KCTD16: variants seen among roughly 807,000 people sequenced by gnomAD.
The protein encoded by KCTD16 is potassium channel tetramerization domain containing 16, also known as BTB/POZ domain-containing protein KCTD16.
In KCTD16, 13 loss-of-function variants were observed where a neutral mutation model predicts 33.2. That is an observed-to-expected ratio of 0.39 (90% CI 0.25 to 0.62). The LOEUF is 0.62. Among genes scored for constraint, KCTD16 ranks in the 20% least tolerant of loss-of-function variants. KCTD16 has a pLI of 0.50. For synonymous variants in KCTD16, 197 were observed against 195.3 expected (o/e 1.01, Z -0.07); for missense variants, 441 against 525.1 (o/e 0.84, Z 1.57).
chr5:144,380,095 A>G (rs1040804355), intron 3 of KCTD16, among the ~76,000 whole-genome samples: 1 of 152,212 alleles, frequency 6.6e-6, no homozygotes, highest in African/African-American at 2.4e-5. Flanking sequence ...AAAACCCCAT[A>G]GTCTCTGACC....
At position 144,481,408 on chromosome 5, in the gene KCTD16, A is replaced by T. The variant is rs1754701529; in HGVS notation, c.*7294A>T. 1 of 151,838 alleles carries T rather than the reference A, an allele frequency of 6.6e-6. No individual in the cohort carries two copies. The highest frequency in any genetic ancestry group is 2.4e-5 in the African/African-American group (1 of 41,364). The allele number at this position is 151,838 out of a possible 1,614,324, so 9.4% of individuals were successfully genotyped here. ...TCTTATTGGAAAATATGTTTCCTAGACTCACCCAGGGGTGGCTCCCAAGTC... is the reference window on the plus strand; with the variant it reads ...TCTTATTGGAAAATATGTTTCCTAGTCTCACCCAGGGGTGGCTCCCAAGTC... On this transcript the variant is annotated 3_prime_UTR_variant, in exon 4 of 4. Transcript: ENST00000512467.
At chr5:144,216,844 G>GA (rs374252586) in intron 3 of KCTD16, among the ~76,000 whole-genome samples, 3,184 of 121,108 alleles carry the variant, frequency 0.026, 92 homozygotes, top group African/African-American at 0.082. Flanking sequence ...ACTCTGTCTG[G>GA]AAAAAAAAAA....
At chr5:144,266,891 G>A (rs1416807478) in intron 3 of KCTD16, among the ~76,000 whole-genome samples, 2 of 151,952 alleles carry the variant, frequency 1.3e-5, no homozygotes, top group African/African-American at 4.8e-5. Flanking sequence ...TCTGTCCTAT[G>A]ATACAGATAT....
intron 2 of KCTD16, among the ~76,000 whole-genome samples, chr5:144,189,006 T>C (rs1225037437): frequency 6.6e-6 from 1 of 152,230 alleles, no homozygotes; most frequent in Non-Finnish European, 1.5e-5. Context: ...GTAGCACCAG[T>C]AATTTGCAAA....
chr5:144,298,513 A>C (rs1756111765), intron 3 of KCTD16, among the ~76,000 whole-genome samples: 1 of 152,150 alleles, frequency 6.6e-6, no homozygotes, highest in Non-Finnish European at 1.5e-5. Flanking sequence ...TAGGTACTCA[A>C]TTGTGACAGT....
chr5:144,432,058 T>G (rs1403875330), intron 3 of KCTD16, among the ~76,000 whole-genome samples: 2 of 152,172 alleles, frequency 1.3e-5, no homozygotes, highest in Non-Finnish European at 2.9e-5. Flanking sequence ...GATGATGTGG[T>G]ACTTTCTTCT....
intron 2 of KCTD16, among the ~76,000 whole-genome samples, chr5:144,179,073 A>C (rs1351840524): frequency 6.6e-6 from 1 of 152,108 alleles, no homozygotes; most frequent in Non-Finnish European, 1.5e-5. Flanking sequence ...TTCATTCCCC[A>C]CTCTTTGACT....
At chr5:144,184,021 T>A (rs1265694825) in intron 2 of KCTD16, among the ~76,000 whole-genome samples, 6 of 152,216 alleles carry the variant, frequency 3.9e-5, no homozygotes, top group Admixed American at 2.6e-4. Context: ...TCAATATTAG[T>A]ACCAGCTTAA....
intron 3 of KCTD16, among the ~76,000 whole-genome samples, chr5:144,284,098 C>G (rs977193963): frequency 6.6e-6 from 1 of 152,158 alleles, no homozygotes; most frequent in Non-Finnish European, 1.5e-5. Flanking sequence ...GATTCCTAAT[C>G]TCCCCTTAGA....
At chr5:144,453,804 T>A (rs1291128729) in intron 3 of KCTD16, among the ~76,000 whole-genome samples, 1 of 152,122 alleles carries the variant, frequency 6.6e-6, no homozygotes, top group African/African-American at 2.4e-5. Context: ...TCGTATCTTA[T>A]AGTAGCTACC....
chr5:144,301,234 C>G (rs750844543), intron 3 of KCTD16, among the ~76,000 whole-genome samples: 21 of 121,000 alleles, frequency 1.7e-4, no homozygotes, highest in Non-Finnish European at 2.9e-4. Flanking sequence ...GAGCGAGATT[C>G]CATCTCAAAA....
At chr5:144,432,162 C>G (rs1753477890) in intron 3 of KCTD16, among the ~76,000 whole-genome samples, 2 of 152,100 alleles carry the variant, frequency 1.3e-5, no homozygotes, top group Admixed American at 1.3e-4. Flanking sequence ...TTGACTTACT[C>G]TGATTTTCAT....
Position 144,176,232 on chromosome 5 carries a change from CT to C in KCTD16, c.-327+1761del, listed in dbSNP as rs35581499. Reference sequence around the variant, plus strand: ...GTGTCCATCTTTCTGCCTTCCCTTTCTCTCCTCTCTTCCCCTAAAACACAGA... The same window carrying C: ...GTGTCCATCTTTCTGCCTTCCCTTTCCTCCTCTCTTCCCCTAAAACACAGA... On this transcript the variant is annotated intron_variant, in intron 2 of 3. Transcript: ENST00000512467. Among the ~76,000 whole-genome samples the C allele has an allele frequency of 4.2e-3, 640 of 152,202 alleles. 2 individuals carry two copies. The highest frequency in any genetic ancestry group is 5.9e-3 in the Non-Finnish European group (398 of 68,026).
At chr5:144,200,803 T>A (rs1415140994) in intron 2 of KCTD16, among the ~76,000 whole-genome samples, 2 of 152,226 alleles carry the variant, frequency 1.3e-5, no homozygotes, top group Non-Finnish European at 2.9e-5. Flanking sequence ...AGAGGCACCA[T>A]CATAGCTCAT....
chr5:144,378,888 G>A (rs1752150970), intron 3 of KCTD16, among the ~76,000 whole-genome samples: 1 of 152,154 alleles, frequency 6.6e-6, no homozygotes, highest in South Asian at 2.1e-4. Flanking sequence ...TTTTTACAAT[G>A]CATTAATCTT....
chr5:144,273,575 C>A (rs1748451371), intron 3 of KCTD16, among the ~76,000 whole-genome samples: 1 of 152,130 alleles, frequency 6.6e-6, no homozygotes, highest in Non-Finnish European at 1.5e-5. Context: ...ACCTAAGTGT[C>A]CTTTGACAGA....
Position 144,206,525 on chromosome 5 carries a change from C to T in KCTD16, c.-190C>T, listed in dbSNP as rs997078053. On this transcript the variant is annotated 5_prime_UTR_variant, in exon 3 of 4. Coordinates refer to ENST00000512467, the MANE Select transcript of KCTD16 (RefSeq NM_020768.4). ...CCATCCAGGGTTTAAACTACTTTTTCAGCATCACTTCACCTGTGGACTCTT... is the reference window on the plus strand; with the variant it reads ...CCATCCAGGGTTTAAACTACTTTTTTAGCATCACTTCACCTGTGGACTCTT... 25 of 547,958 alleles carry T rather than the reference C, an allele frequency of 4.6e-5. No homozygotes were observed. Among genetic ancestry groups the T allele is most frequent in the Non-Finnish European group, 8.0e-5 (25 of 312,448 alleles). The allele number at this position is 547,958 out of a possible 1,614,324, so 33.9% of individuals were successfully genotyped here.
intron 3 of KCTD16, among the ~76,000 whole-genome samples, chr5:144,245,722 T>C (rs1302620601): frequency 3.9e-5 from 6 of 152,110 alleles, no homozygotes; most frequent in Non-Finnish European, 7.4e-5. Flanking sequence ...TCTCATGACA[T>C]CTGGTTGTTT....
At chr5:144,281,458 A>G (rs1410221486) in intron 3 of KCTD16, among the ~76,000 whole-genome samples, 1 of 152,204 alleles carries the variant, frequency 6.6e-6, no homozygotes, top group African/African-American at 2.4e-5. Flanking sequence ...CTCATGAACT[A>G]TTTAGAAGTG....
Sources: allele counts gnomAD v4.1 joint callset (sites outside exome capture counted in the v4.1 genomes callset), GRCh38; gene constraint gnomAD v4.1.1; transcripts MANE v1.5; gene names NCBI Gene and HGNC (gene_info 2026-07-23, HGNC 2026-07-21).